The following ARHGEF9 variants were observed in gnomAD, a reference collection of about 807,000 sequenced individuals.
The protein encoded by ARHGEF9 is rho guanine nucleotide exchange factor 9.
ARHGEF9 carries 2 observed loss-of-function variants against 41.3 expected under a neutral mutation model. The ratio of observed to expected loss-of-function variants is 0.05; its 90% CI spans 0.02 to 0.15. The LOEUF is 0.15. Among genes scored for constraint, ARHGEF9 ranks in the 10% least tolerant of loss-of-function variants. ARHGEF9 has a pLI of 1.00. For missense variants in ARHGEF9, 225 were observed against 424.7 expected, an observed-to-expected ratio of 0.53 and a Z score of 4.13; for synonymous variants, 160 against 154.4, an observed-to-expected ratio of 1.04 and a Z score of -0.27.
chrX:63,691,604 T>C (rs1406123926), intron 4 of ARHGEF9, among the ~76,000 whole-genome samples: 1 of 111,185 alleles, frequency 9.0e-6, no homozygotes, highest in Admixed American at 9.6e-5. Context: ...TTAATATTGT[T>C]AAATTAATAT....
At chrX:63,771,018 C>A (rs1252676273) in intron 1 of ARHGEF9, among the ~76,000 whole-genome samples, 1 of 112,256 alleles carries the variant, frequency 8.9e-6, no homozygotes, top group South Asian at 3.7e-4. Context: ...CCCTTTTCAC[C>A]ACATAAACGC....
intron 1 of ARHGEF9, among the ~76,000 whole-genome samples, chrX:63,759,876 C>T (rs782345536): frequency 4.5e-5 from 5 of 111,628 alleles, no homozygotes; most frequent in Admixed American, 1.9e-4. Context: ...AGATATGGAG[C>T]GCAGATGTAA....
chrX:63,727,334 T>G (rs1556417677), intron 1 of ARHGEF9: 4 of 111,642 alleles, frequency 3.6e-5, no homozygotes, highest in Non-Finnish European at 5.6e-5. Context: ...GATCGCTGAC[T>G]TTTGTCCCCC....
intron 9 of ARHGEF9, chrX:63,640,968 A>G (rs1222619812): frequency 8.9e-6 from 1 of 111,820 alleles, no homozygotes; most frequent in African/African-American, 3.3e-5. Context: ...TGAGTCTCAA[A>G]ACATATCAGT....
chrX:63,746,289 A>G (rs2055266956), intron 1 of ARHGEF9, among the ~76,000 whole-genome samples: 1 of 112,418 alleles, frequency 8.9e-6, no homozygotes, highest in African/African-American at 3.2e-5. Context: ...CATAAGAGTG[A>G]TAAGGGCAAG....
intron 1 of ARHGEF9, among the ~76,000 whole-genome samples, chrX:63,742,422 C>T (rs1228206934): frequency 3.6e-5 from 4 of 110,585 alleles, no homozygotes; most frequent in South Asian, 3.9e-4. Context: ...GATATGTGCA[C>T]GTGGATTAGC....
chrX:63,695,727 A>G (rs1556387325), intron 4 of ARHGEF9, among the ~76,000 whole-genome samples: 1 of 111,868 alleles, frequency 8.9e-6, no homozygotes, highest in Non-Finnish European at 1.9e-5. Flanking sequence ...CCCTGATAAG[A>G]GTGGCTCACT....
intron 1 of ARHGEF9, among the ~76,000 whole-genome samples, chrX:63,765,221 A>G (rs781991527): frequency 1.8e-5 from 2 of 110,762 alleles, no homozygotes; most frequent in Admixed American, 1.9e-4. Flanking sequence ...TTGCCAGTCT[A>G]TCATGAGATG....
intron 7 of ARHGEF9, among the ~76,000 whole-genome samples, chrX:63,663,197 CCT>C (rs2049321791): frequency 2.7e-5 from 3 of 111,320 alleles, no homozygotes; most frequent in South Asian, 7.6e-4. Flanking sequence ...TTTATATTCC[CCT>C]GTTATCAGTA....
chrX:63,703,453 ATAGG>A (rs1176402692), intron 3 of ARHGEF9, among the ~76,000 whole-genome samples: 2 of 112,579 alleles, frequency 1.8e-5, no homozygotes. Context: ...GATCTAGAAA[ATAGG>A]AATAACAATA....
At chrX:63,728,200 C>T (rs2054082573) in intron 1 of ARHGEF9, among the ~76,000 whole-genome samples, 1 of 112,414 alleles carries the variant, frequency 8.9e-6, no homozygotes. Context: ...GTAAACTAAA[C>T]TTAACCTGGA....
chrX:63,717,704 C>G (rs782808568), intron 2 of ARHGEF9, among the ~76,000 whole-genome samples: 1 of 111,695 alleles, frequency 9.0e-6, no homozygotes, highest in Non-Finnish European at 1.9e-5. Context: ...GCAAGTATTA[C>G]CAGTATTATT....
chrX:63,731,935 G>C (rs1314017417), intron 1 of ARHGEF9: 1 of 111,532 alleles, frequency 9.0e-6, no homozygotes, highest in African/African-American at 3.3e-5. Context: ...TCCAGCTCTG[G>C]TATTCTACTG....
chrX:63,759,854 A>G (rs782291810), intron 1 of ARHGEF9, among the ~76,000 whole-genome samples: 1 of 112,159 alleles, frequency 8.9e-6, no homozygotes, highest in East Asian at 2.8e-4. Context: ...GCCTAAGGTC[A>G]CATGGCTAGT....
chrX:63,693,790 A>G (rs1448356654), intron 4 of ARHGEF9, among the ~76,000 whole-genome samples: 1 of 110,662 alleles, frequency 9.0e-6, no homozygotes, highest in African/African-American at 3.3e-5. Context: ...CACATGAAAA[A>G]ATGCTCAACA....
At chrX:63,653,742 G>GTT (rs1467028818) in intron 8 of ARHGEF9, among the ~76,000 whole-genome samples, 1 of 111,119 alleles carries the variant, frequency 9.0e-6, no homozygotes, top group Non-Finnish European at 1.9e-5. Context: ...GGAATGCTAA[G>GTT]TTTTCTTTAT....
intron 1 of ARHGEF9, among the ~76,000 whole-genome samples, chrX:63,769,648 G>A (rs2056171271): frequency 1.8e-5 from 2 of 111,472 alleles, no homozygotes; most frequent in Admixed American, 1.9e-4. Flanking sequence ...TCCCTCTGCT[G>A]TATTCAATCT....
rs1317586633 is a variant in ARHGEF9 at position 63,738,235 on chromosome X, A to T, written c.31-13524T>A. Among the ~76,000 whole-genome samples the T allele has an allele frequency of 2.7e-5, 3 of 112,149 alleles. No homozygotes were observed. The Admixed American group carries it at 2.8e-4, about 11-fold the overall frequency. On this transcript the variant is annotated intron_variant, in intron 1 of 9. Transcript: ENST00000671741. ...TATGTGTTGTATATTACCATAAAAA[A>T]GAGAAAGAGGAATATATTCATATTT... is the stretch of plus-strand genomic sequence containing the variant.
chrX:63,725,395 G>A (rs1442682108), intron 1 of ARHGEF9, among the ~76,000 whole-genome samples: 2 of 112,181 alleles, frequency 1.8e-5, no homozygotes, highest in Non-Finnish European at 1.9e-5. Flanking sequence ...GTGAGATACA[G>A]TAGGGGGAGA....
Sources: gnomAD v4.1 joint callset for allele counts (sites outside exome capture counted in the v4.1 genomes callset) on GRCh38, gnomAD v4.1.1 for gene constraint, MANE v1.5 for transcripts, NCBI Gene and HGNC (gene_info 2026-07-23, HGNC 2026-07-21) for gene names.